The following RTTN variants were observed in gnomAD, a reference collection of about 807,000 sequenced individuals.
RTTN encodes rotatin.
In RTTN, 182 loss-of-function variants were observed where a neutral mutation model predicts 269.2. That is an observed-to-expected ratio of 0.68 (90% CI 0.60 to 0.76). The LOEUF (loss-of-function observed/expected upper bound fraction) is 0.76, where lower values mean the gene tolerates loss of function less well. RTTN is among the 30% of genes least tolerant of loss of function. The pLI is 0.00. For synonymous variants in RTTN, 1,006 were observed against 963.5 expected (o/e 1.04, Z -0.82); for missense variants, 2,545 against 2,608.6 (o/e 0.98, Z 0.53).
rs566370054 is a variant in RTTN, at chr18:70,148,045, C to T, written c.2309+856G>A. 2.0e-5 allele frequency among the ~76,000 whole-genome samples: 3 copies of T among 152,254 alleles called. No homozygotes were observed. In the South Asian group the frequency reaches 6.2e-4, roughly 32 times the overall value. On this transcript the variant is annotated intron_variant, in intron 17 of 48. Coordinates refer to ENST00000640769, the MANE Select transcript of RTTN (RefSeq NM_173630.4). ...TTTAAAGACTATAATTTTCCTCCTTCCATTCTCTTAATAGTTTAGTTAACT... is the reference window on the plus strand; with the variant it reads ...TTTAAAGACTATAATTTTCCTCCTTTCATTCTCTTAATAGTTTAGTTAACT...
intron 40 of RTTN, among the ~76,000 whole-genome samples, chr18:70,042,566 T>C (rs1035097986): frequency 3.9e-5 from 6 of 152,058 alleles, no homozygotes; most frequent in South Asian, 2.1e-4. Flanking sequence ...TTAGTAGAGA[T>C]GGGGTTTCAC....
intron 10 of RTTN, among the ~76,000 whole-genome samples, chr18:70,185,058 A>G (rs369455049): frequency 6.6e-6 from 1 of 152,104 alleles, no homozygotes; most frequent in East Asian, 1.9e-4. Flanking sequence ...TAGATTCCAG[A>G]AGTAAACCCA....
chr18:70,185,161 A>G (rs925622083), intron 10 of RTTN, among the ~76,000 whole-genome samples: 1 of 152,122 alleles, frequency 6.6e-6, no homozygotes, highest in Non-Finnish European at 1.5e-5. Flanking sequence ...TAAAAAAAAA[A>G]GTTCATTCCT....
chr18:70,027,457 A>G (rs2056886385), intron 43 of RTTN, among the ~76,000 whole-genome samples: 1 of 152,244 alleles, frequency 6.6e-6, no homozygotes, highest in Non-Finnish European at 1.5e-5. Flanking sequence ...TTGAGATATC[A>G]CACTTTTGTA....
At chr18:70,024,323 A>G (rs968083242) in intron 44 of RTTN, among the ~76,000 whole-genome samples, 4 of 152,240 alleles carry the variant, frequency 2.6e-5, no homozygotes, top group African/African-American at 9.6e-5. Context: ...AGTGATATCA[A>G]GTATCACCAG....
chr18:70,146,713 C>T (rs2060402909), intron 17 of RTTN, among the ~76,000 whole-genome samples: 3 of 152,240 alleles, frequency 2.0e-5, no homozygotes, highest in South Asian at 4.2e-4. Context: ...AGCTATATTC[C>T]CGGTTACACA....
chr18:70,051,065 C>A (rs1022418109), intron 39 of RTTN, among the ~76,000 whole-genome samples: 3 of 152,088 alleles, frequency 2.0e-5, no homozygotes, highest in Admixed American at 6.5e-5. Context: ...GCACATGTAT[C>A]CCAGAACTTA....
intron 14 of RTTN, among the ~76,000 whole-genome samples, chr18:70,155,915 C>T (rs752607213): frequency 1.5e-4 from 22 of 151,702 alleles, no homozygotes; most frequent in Non-Finnish European, 2.6e-4. Context: ...AATAAATACG[C>T]TTGTGATTTC....
chr18:70,171,486 C>A (rs975897497), intron 11 of RTTN, among the ~76,000 whole-genome samples: 1 of 152,172 alleles, frequency 6.6e-6, no homozygotes, highest in Non-Finnish European at 1.5e-5. Flanking sequence ...TTTCACCCTG[C>A]GTACTTGTAT....
intron 5 of RTTN, among the ~76,000 whole-genome samples, chr18:70,199,042 C>T (rs1031335601): frequency 2.0e-5 from 3 of 152,118 alleles, no homozygotes; most frequent in African/African-American, 4.8e-5. Context: ...CAAAAATTAG[C>T]TCAGCGTGGT....
At chr18:70,115,023 T>G (rs1405021857) in intron 26 of RTTN, among the ~76,000 whole-genome samples, 2 of 152,048 alleles carry the variant, frequency 1.3e-5, no homozygotes, top group Non-Finnish European at 2.9e-5. Context: ...GCAAAAACAT[T>G]AGTTTAATAT....
intron 27 of RTTN, among the ~76,000 whole-genome samples, chr18:70,112,910 A>C (rs1292669878): frequency 6.6e-6 from 1 of 152,188 alleles, no homozygotes; most frequent in African/African-American, 2.4e-5. Context: ...TGACCACATA[A>C]TTGGAAGTAA....
At chr18:70,187,282 CAG>C (rs1196536324) in intron 10 of RTTN, among the ~76,000 whole-genome samples, 3 of 152,016 alleles carry the variant, frequency 2.0e-5, no homozygotes, top group African/African-American at 4.8e-5. Flanking sequence ...GTTATAAAAA[CAG>C]GGTGCAAAAC....
intron 35 of RTTN, among the ~76,000 whole-genome samples, chr18:70,062,658 C>T (rs2058024914): frequency 6.9e-6 from 1 of 145,058 alleles, no homozygotes; most frequent in Non-Finnish European, 1.5e-5. Flanking sequence ...CACTGTTGCC[C>T]AGGCTGGAGT....
At chr18:70,049,969 T>C (rs1015268116) in intron 39 of RTTN, among the ~76,000 whole-genome samples, 2 of 152,336 alleles carry the variant, frequency 1.3e-5, no homozygotes, top group South Asian at 4.1e-4. Flanking sequence ...AATGTACATA[T>C]GTCAGAAAGG....
At chr18:70,057,520 G>A (rs1374135061) in intron 37 of RTTN, among the ~76,000 whole-genome samples, 2 of 152,144 alleles carry the variant, frequency 1.3e-5, no homozygotes, top group East Asian at 3.9e-4. Context: ...GTTAATGATG[G>A]AGTCAAGAAT....
At chr18:70,196,680 A>C in intron 6 of RTTN, 32 bp from the exon 7 acceptor site, 1 of 1,599,228 alleles carries the variant, frequency 6.3e-7, no homozygotes, top group Non-Finnish European at 8.5e-7. Context: ...AAAATTACTA[A>C]GGGAACAAAG....
In RTTN at chr18:70,197,687, C is replaced by G. The variant is rs201538332; in HGVS notation, c.630G>C (p.Leu210Phe). Residue 210 changes from leucine (L) to phenylalanine (F), a missense_variant, in exon 6 of 49, where the codon TTG becomes TTC. Physicochemically the swap from Leu to Phe is conservative, Grantham distance 22 (BLOSUM62 0). Transcript: ENST00000640769. ...GAAAATCTTGCATGATAACATCCTTCAATAGTTCACAGGTGTTCCAGATTA... is the reference window on the plus strand; with the variant it reads ...GAAAATCTTGCATGATAACATCCTTGAATAGTTCACAGGTGTTCCAGATTA... The part of the protein sequence containing the change: ...HTLIWNTCEL[L>F]KDVIMQDFPA... The G allele has an allele frequency of 8.7e-4, 1,405 of 1,613,754 alleles. 3 individuals carry two copies. Among genetic ancestry groups the G allele is most frequent in the Non-Finnish European group, 1.1e-3 (1,296 of 1,179,788 alleles).
At chr18:70,140,010 A>AG in intron 20 of RTTN, 90 bp downstream of exon 20, 1 of 871,566 alleles carries the variant, frequency 1.1e-6, no homozygotes, top group Middle Eastern at 2.2e-4. Flanking sequence ...TTAAAATCCA[A>AG]GTACTCATCC....
Sources: allele counts gnomAD v4.1 joint callset (sites outside exome capture counted in the v4.1 genomes callset), GRCh38; gene constraint gnomAD v4.1.1; transcripts MANE v1.5; gene names NCBI Gene and HGNC (gene_info 2026-07-23, HGNC 2026-07-21).